KCNMB2: variants seen among roughly 807,000 people sequenced by gnomAD.
The protein encoded by KCNMB2 is calcium-activated potassium channel subunit beta-2.
A neutral mutation model predicts 24.5 loss-of-function variants in KCNMB2; 9 were observed. The ratio of observed to expected loss-of-function variants is 0.37; its 90% CI spans 0.22 to 0.64. The LOEUF is 0.64. Among genes scored for constraint, KCNMB2 ranks in the 30% least tolerant of loss-of-function variants. The pLI is 0.63. For missense variants in KCNMB2, 226 were observed against 284.3 expected, an observed-to-expected ratio of 0.79 and a Z score of 1.47; for synonymous variants, 109 against 104.4, an observed-to-expected ratio of 1.04 and a Z score of -0.27.
At chr3:178,554,465 T>C (rs1484490957) in intron 1 of KCNMB2, among the ~76,000 whole-genome samples, 4 of 152,230 alleles carry the variant, frequency 2.6e-5, no homozygotes, top group Admixed American at 2.0e-4. Context: ...TTCATAAACA[T>C]GTATTGTTTA....
chr3:178,602,784 C>T (rs1308652214), intron 1 of KCNMB2, among the ~76,000 whole-genome samples: 1 of 152,094 alleles, frequency 6.6e-6, no homozygotes, highest in Admixed American at 6.6e-5. Flanking sequence ...CCAAAGCCAT[C>T]GGGAGGGTAG....
chr3:178,577,162 AG>A (rs1248997683), intron 1 of KCNMB2, among the ~76,000 whole-genome samples: 2 of 152,136 alleles, frequency 1.3e-5, no homozygotes, highest in Non-Finnish European at 2.9e-5. Context: ...AAGCTTCCAA[AG>A]GAAGGAACAA....
At chr3:178,806,726 A>T (rs181138554) in intron 1 of KCNMB2, among the ~76,000 whole-genome samples, 69 of 151,678 alleles carry the variant, frequency 4.5e-4, no homozygotes, top group Admixed American at 3.9e-3. Context: ...AACCCACAAC[A>T]TTCTTAAAAT....
intron 1 of KCNMB2, among the ~76,000 whole-genome samples, chr3:178,569,432 A>T (rs1716689003): frequency 6.6e-6 from 1 of 152,178 alleles, no homozygotes; most frequent in Non-Finnish European, 1.5e-5. Flanking sequence ...AAATCACAGT[A>T]AGAGAAAGAG....
chr3:178,758,243 T>G (rs1577157988), intron 1 of KCNMB2, among the ~76,000 whole-genome samples: 1 of 33,960 alleles, frequency 2.9e-5, no homozygotes, highest in Non-Finnish European at 4.7e-5. Context: ...TCCAAGGGGA[T>G]ATATATATAT....
intron 1 of KCNMB2, among the ~76,000 whole-genome samples, chr3:178,542,075 G>A (rs1715639272): frequency 6.6e-6 from 1 of 152,150 alleles, no homozygotes; most frequent in African/African-American, 2.4e-5. Flanking sequence ...TCAGGGATGA[G>A]GACCCCTTCC....
chr3:178,655,914 A>G (rs1720325763), intron 1 of KCNMB2, among the ~76,000 whole-genome samples: 1 of 152,238 alleles, frequency 6.6e-6, no homozygotes, highest in Non-Finnish European at 1.5e-5. Flanking sequence ...TCTGTATCAC[A>G]GTAACTATCA....
Position 178,796,757 on chromosome 3 carries a change from A to G in KCNMB2, c.-67-10586A>G, listed in dbSNP as rs867519657. ...ATGGGATACAGTGAAAGCAGTAGTA[A>G]GAGGAAAGTTTATAGCAGTAAACAC... On this transcript the variant is annotated intron_variant, in intron 1 of 4. Transcript: ENST00000452583. Among the ~76,000 whole-genome samples, 7 of 152,300 alleles carry G rather than the reference A, an allele frequency of 4.6e-5. No homozygotes were observed. In the South Asian group the frequency reaches 1.2e-3, roughly 27 times the overall value.
chr3:178,775,935 A>G (rs1032491930), intron 1 of KCNMB2, among the ~76,000 whole-genome samples: 3 of 152,160 alleles, frequency 2.0e-5, no homozygotes, highest in Non-Finnish European at 4.4e-5. Flanking sequence ...GTATCCAGTA[A>G]CTGATGCTTC....
chr3:178,785,604 A>T (rs539767834), intron 1 of KCNMB2, among the ~76,000 whole-genome samples: 2 of 152,248 alleles, frequency 1.3e-5, no homozygotes, highest in Admixed American at 6.5e-5. Flanking sequence ...CTGGAAAGTA[A>T]GTAGAGAATG....
chr3:178,610,559 T>C (rs576103489), intron 1 of KCNMB2, among the ~76,000 whole-genome samples: 2 of 152,248 alleles, frequency 1.3e-5, no homozygotes, highest in Non-Finnish European at 2.9e-5. Flanking sequence ...CATTGTTCAC[T>C]GTTGGCATAT....
At chr3:178,778,470 A>ACGTGCGCG (rs1469982956) in intron 1 of KCNMB2, among the ~76,000 whole-genome samples, 9 of 88,682 alleles carry the variant, frequency 1.0e-4, no homozygotes, top group South Asian at 6.9e-4. Flanking sequence ...ACACACACAC[A>ACGTGCGCG]CACACACACA....
chr3:178,571,447 GATATATATATATATATATAT>G (rs71181237), intron 1 of KCNMB2, among the ~76,000 whole-genome samples: 3,677 of 91,130 alleles, frequency 0.04, 232 homozygotes, highest in African/African-American at 0.11. Context: ...TTTCCTTATG[GATATATATATATATATATAT>G]ATATATATAT....
intron 1 of KCNMB2, among the ~76,000 whole-genome samples, chr3:178,576,041 A>G (rs904592448): frequency 6.6e-6 from 1 of 152,070 alleles, no homozygotes; most frequent in African/African-American, 2.4e-5. Flanking sequence ...AAATCAGATA[A>G]GGGGGTGGCT....
At chr3:178,593,657 T>C (rs979426611) in intron 1 of KCNMB2, among the ~76,000 whole-genome samples, 2 of 151,778 alleles carry the variant, frequency 1.3e-5, no homozygotes, top group Non-Finnish European at 2.9e-5. Flanking sequence ...ATGTTCCACT[T>C]CCTGGAATGA....
At chr3:178,720,839 T>C (rs1649052258) in intron 1 of KCNMB2, among the ~76,000 whole-genome samples, 1 of 151,034 alleles carries the variant, frequency 6.6e-6, no homozygotes, top group Non-Finnish European at 1.5e-5. Flanking sequence ...TTTGTTTTTT[T>C]CTTGTAAATT....
intron 1 of KCNMB2, among the ~76,000 whole-genome samples, chr3:178,763,712 C>T (rs1712005290): frequency 6.6e-6 from 1 of 152,216 alleles, no homozygotes; most frequent in African/African-American, 2.4e-5. Flanking sequence ...TTTTGATACT[C>T]AGCAATTTCT....
intron 1 of KCNMB2, among the ~76,000 whole-genome samples, chr3:178,743,775 C>T (rs932982546): frequency 1.5e-4 from 23 of 152,194 alleles, no homozygotes; most frequent in African/African-American, 4.6e-4. Context: ...GAGCTCATGG[C>T]GCTATAAGCT....
chr3:178,768,367 T>C (rs1187631502), intron 1 of KCNMB2, among the ~76,000 whole-genome samples: 2 of 152,112 alleles, frequency 1.3e-5, no homozygotes, highest in African/African-American at 2.4e-5. Context: ...ATACTCTCCA[T>C]CTAACAAATT....
Sources: allele counts gnomAD v4.1 joint callset (sites outside exome capture counted in the v4.1 genomes callset), GRCh38; gene constraint gnomAD v4.1.1; transcripts MANE v1.5; gene names NCBI Gene and HGNC (gene_info 2026-07-23, HGNC 2026-07-21).